Variants in TSPAN18 observed in about 807,000 individuals in gnomAD.
The protein encoded by TSPAN18 is tetraspanin 18.
In TSPAN18, 14 loss-of-function variants were observed where a neutral mutation model predicts 27.3. That is an observed-to-expected ratio of 0.51 (90% CI 0.34 to 0.80). The LOEUF is 0.80. Ranked by LOEUF, TSPAN18 falls within the 30% of genes least tolerant of loss-of-function variation. The probability of loss-of-function intolerance (pLI) is 0.01; values close to 1 mark genes in which losing one functional copy is unlikely to be tolerated. For synonymous variants in TSPAN18, 143 were observed against 136.5 expected (o/e 1.05, Z -0.33); for missense variants, 268 against 323.9 (o/e 0.83, Z 1.32).
intron 4 of TSPAN18, 107 bp from the exon 5 acceptor site, chr11:44,909,598 C>G (rs918814498): frequency 7.6e-6 from 9 of 1,179,154 alleles, no homozygotes; most frequent in Non-Finnish European, 9.5e-6. Flanking sequence ...TCACCTAGTG[C>G]TTGATGCCTC....
chr11:44,856,528 T>C (rs1810527380), intron 2 of TSPAN18, among the ~76,000 whole-genome samples: 1 of 152,156 alleles, frequency 6.6e-6, no homozygotes, highest in African/African-American at 2.4e-5. Context: ...GAATTCATAA[T>C]GATATGAGGA....
chr11:44,890,226 C>T (rs1478059377), intron 3 of TSPAN18, among the ~76,000 whole-genome samples: 2 of 152,220 alleles, frequency 1.3e-5, no homozygotes, highest in African/African-American at 2.4e-5. Flanking sequence ...ACGAAGTTCT[C>T]ATTCTGGGGT....
chr11:44,726,885 T>TGGGGAGAGGGAGGGAGGGCG, upstream of TSPAN18: 1 of 43,756 alleles, frequency 2.3e-5, no homozygotes, highest in Admixed American at 2.0e-4. Context: ...GGCGGAGGTT[T>TGGGGAGAGGGAGGGAGGGCG]GGGGAGGGGG....
intron 1 of TSPAN18, among the ~76,000 whole-genome samples, chr11:44,761,724 C>T (rs1401261958): frequency 1.3e-5 from 2 of 152,238 alleles, no homozygotes; most frequent in Non-Finnish European, 1.5e-5. Flanking sequence ...GTGACATTCA[C>T]CCAGGCTGCG....
At chr11:44,766,694 G>A (rs181535640) in intron 2 of TSPAN18, among the ~76,000 whole-genome samples, 26 of 152,338 alleles carry the variant, frequency 1.7e-4, no homozygotes, top group African/African-American at 6.3e-4. Context: ...CCTCTTGTTA[G>A]CCAGGAAACA....
At chr11:44,928,883 A>G (rs1291375485) in intron 9 of TSPAN18, among the ~76,000 whole-genome samples, 1 of 152,088 alleles carries the variant, frequency 6.6e-6, no homozygotes, top group Non-Finnish European at 1.5e-5. Context: ...CAACCCTGCT[A>G]TGTCAGGGAG....
intron 1 of TSPAN18, among the ~76,000 whole-genome samples, chr11:44,744,682 G>A (rs1263979621): frequency 6.6e-6 from 1 of 152,188 alleles, no homozygotes; most frequent in African/African-American, 2.4e-5. Flanking sequence ...GGTTGGTGTG[G>A]GAAATAGAAT....
intron 3 of TSPAN18, among the ~76,000 whole-genome samples, chr11:44,892,907 C>T (rs1858900756): frequency 6.6e-6 from 1 of 152,212 alleles, no homozygotes; most frequent in African/African-American, 2.4e-5. Context: ...GTGTATAAAG[C>T]ACTTTCAGGA....
chr11:44,886,163 G>C (rs534146567), intron 3 of TSPAN18: 2 of 152,212 alleles, frequency 1.3e-5, no homozygotes, highest in Non-Finnish European at 2.9e-5. Flanking sequence ...GCTTCTGGGA[G>C]CTTCAGGCCC....
At chr11:44,799,798 T>G (rs913652710) in intron 2 of TSPAN18, among the ~76,000 whole-genome samples, 1 of 152,190 alleles carries the variant, frequency 6.6e-6, no homozygotes, top group African/African-American at 2.4e-5. Context: ...GAGCTGCTCT[T>G]AACAACCCAT....
chr11:44,796,740 C>A (rs554427125), intron 2 of TSPAN18, among the ~76,000 whole-genome samples: 78 of 152,136 alleles, frequency 5.1e-4, no homozygotes, highest in Admixed American at 1.2e-3. Context: ...CCAGCCTGAG[C>A]CTACCCACCC....
intron 2 of TSPAN18, among the ~76,000 whole-genome samples, chr11:44,851,599 A>C (rs1857601543): frequency 7.0e-6 from 1 of 143,312 alleles, no homozygotes. Flanking sequence ...CTGTTAGCCC[A>C]GGTACTCTTG....
chr11:44,880,707 T>G (rs1474529649), intron 3 of TSPAN18, among the ~76,000 whole-genome samples: 1 of 152,272 alleles, frequency 6.6e-6, no homozygotes, highest in Non-Finnish European at 1.5e-5. Context: ...AGCGATCATC[T>G]GTGCATGAAG....
At chr11:44,760,356 C>T (rs1855424482) in intron 1 of TSPAN18, among the ~76,000 whole-genome samples, 1 of 152,192 alleles carries the variant, frequency 6.6e-6, no homozygotes, top group Admixed American at 6.5e-5. Flanking sequence ...CAGGGACTGG[C>T]AGGTTCTATG....
chr11:44,734,361 C>T (rs1854736890), intron 1 of TSPAN18, among the ~76,000 whole-genome samples: 1 of 152,248 alleles, frequency 6.6e-6, no homozygotes, highest in African/African-American at 2.4e-5. Flanking sequence ...AGGTTAAAAT[C>T]CTGACTGCTC....
At chr11:44,830,975 C>A (rs1857141273) in intron 2 of TSPAN18, among the ~76,000 whole-genome samples, 1 of 152,118 alleles carries the variant, frequency 6.6e-6, no homozygotes, top group Non-Finnish European at 1.5e-5. Flanking sequence ...CGGCCGGGCA[C>A]AATGGCAGGT....
At position 44,894,664 on chromosome 11, in the gene TSPAN18, C is replaced by T. The variant is rs369226577; in HGVS notation, c.-10-11743C>T. ...AAAGCCCCGAGGCACTGCGTGACCT[C>T]GGTCCCATCTCTGTGCCTTTCTGGG... On this transcript the variant is annotated intron_variant, in intron 3 of 9. Transcript: ENST00000520358. Among the ~76,000 whole-genome samples the T allele has an allele frequency of 7.2e-5, 11 of 152,348 alleles. No homozygotes were observed. The East Asian group carries it at 1.4e-3, about 19-fold the overall frequency.
intron 3 of TSPAN18, among the ~76,000 whole-genome samples, chr11:44,888,633 G>A (rs1858740728): frequency 6.6e-6 from 1 of 152,212 alleles, no homozygotes; most frequent in African/African-American, 2.4e-5. Context: ...TGTGTGGCCA[G>A]GAGTACCTAG....
At chr11:44,791,127 G>A (rs1856209604) in intron 2 of TSPAN18, among the ~76,000 whole-genome samples, 1 of 152,104 alleles carries the variant, frequency 6.6e-6, no homozygotes, top group Non-Finnish European at 1.5e-5. Flanking sequence ...GAGAGACCCC[G>A]TTCCCTCTGA....
Sources: allele counts gnomAD v4.1 joint callset (sites outside exome capture counted in the v4.1 genomes callset), GRCh38; gene constraint gnomAD v4.1.1; transcripts MANE v1.5; gene names NCBI Gene and HGNC (gene_info 2026-07-23, HGNC 2026-07-21).